Variants in FARS2 observed in about 807,000 individuals in gnomAD.
The protein encoded by FARS2 is phenylalanyl-tRNA synthetase 2, mitochondrial.
In FARS2, 40 loss-of-function variants were observed where a neutral mutation model predicts 46.4. That is an observed-to-expected ratio of 0.86 (90% CI 0.67 to 1.12). FARS2 has a LOEUF of 1.12. Among genes scored for constraint, FARS2 ranks in the 50% most tolerant of loss-of-function variants. The pLI, the probability that FARS2 is intolerant of heterozygous loss-of-function variation, is 0.00. For synonymous variants in FARS2, 234 were observed against 214.9 expected (o/e 1.09, Z -0.78); for missense variants, 513 against 567.9 (o/e 0.90, Z 0.98).
chr6:5,304,338 T>G (rs1768540513), intron 1 of FARS2, among the ~76,000 whole-genome samples: 3 of 152,226 alleles, frequency 2.0e-5, no homozygotes, highest in African/African-American at 4.8e-5. Flanking sequence ...ATTATTTAAC[T>G]CTGTTGTTGA....
chr6:5,296,577 C>T (rs1481971166), intron 1 of FARS2, among the ~76,000 whole-genome samples: 2 of 152,150 alleles, frequency 1.3e-5, no homozygotes, highest in Non-Finnish European at 2.9e-5. Context: ...ACACGAACTC[C>T]CCATCCCCTC....
chr6:5,732,472 G>C (rs1331122996), intron 6 of FARS2, among the ~76,000 whole-genome samples: 1 of 152,162 alleles, frequency 6.6e-6, no homozygotes, highest in Non-Finnish European at 1.5e-5. Flanking sequence ...TCTCCCTTCT[G>C]ACCCGTTCCC....
chr6:5,459,442 C>T (rs927366382), intron 4 of FARS2, among the ~76,000 whole-genome samples: 1 of 151,904 alleles, frequency 6.6e-6, no homozygotes, highest in Non-Finnish European at 1.5e-5. Context: ...ATTATTCTGG[C>T]TCCACTTTTG....
chr6:5,313,512 T>C (rs1769238380), intron 1 of FARS2, among the ~76,000 whole-genome samples: 1 of 152,240 alleles, frequency 6.6e-6, no homozygotes, highest in Non-Finnish European at 1.5e-5. Flanking sequence ...ATAGATCTTT[T>C]CCTGATTGGT....
intron 1 of FARS2, among the ~76,000 whole-genome samples, chr6:5,304,106 T>C (rs1332952143): frequency 6.6e-6 from 1 of 152,214 alleles, no homozygotes; most frequent in Non-Finnish European, 1.5e-5. Context: ...CTTTTAATTA[T>C]AGAGGCATCA....
At chr6:5,566,683 G>A (rs911714453) in intron 5 of FARS2, among the ~76,000 whole-genome samples, 73 of 152,154 alleles carry the variant, frequency 4.8e-4, no homozygotes, top group African/African-American at 1.6e-3. Flanking sequence ...AAACATGAAG[G>A]ACTTTTAAAT....
intron 6 of FARS2, among the ~76,000 whole-genome samples, chr6:5,740,741 A>G (rs1761277904): frequency 6.6e-6 from 1 of 152,156 alleles, no homozygotes; most frequent in Non-Finnish European, 1.5e-5. Context: ...AGGACATTGA[A>G]GGCAGGGAAA....
chr6:5,414,059 A>G (rs931208109), intron 3 of FARS2, among the ~76,000 whole-genome samples: 2 of 152,212 alleles, frequency 1.3e-5, no homozygotes, highest in African/African-American at 2.4e-5. Flanking sequence ...TTGATGATCC[A>G]TCTTTCTCTG....
chr6:5,556,753 G>A (rs1157007057), intron 5 of FARS2, among the ~76,000 whole-genome samples: 1 of 152,040 alleles, frequency 6.6e-6, no homozygotes, highest in Non-Finnish European at 1.5e-5. Context: ...TTCTTGTAGT[G>A]TAGATTGGAA....
At chr6:5,517,832 T>C (rs1434391709) in intron 4 of FARS2, among the ~76,000 whole-genome samples, 2 of 152,164 alleles carry the variant, frequency 1.3e-5, no homozygotes, top group Non-Finnish European at 2.9e-5. Context: ...AGCTAGAACA[T>C]TTAAAAAATT....
chr6:5,562,852 G>A (rs1315117867), intron 5 of FARS2, among the ~76,000 whole-genome samples: 12 of 148,236 alleles, frequency 8.1e-5, no homozygotes, highest in South Asian at 4.3e-4. Flanking sequence ...CGCCCAGGCC[G>A]GAGTGCAATG....
intron 4 of FARS2, among the ~76,000 whole-genome samples, chr6:5,469,261 A>G (rs1271791988): frequency 6.6e-6 from 1 of 152,074 alleles, no homozygotes; most frequent in East Asian, 1.9e-4. Flanking sequence ...TGGTCCACCG[A>G]GGTTCCTGTC....
At chr6:5,685,118 C>T (rs1757090040) in intron 6 of FARS2, among the ~76,000 whole-genome samples, 1 of 152,102 alleles carries the variant, frequency 6.6e-6, no homozygotes, top group South Asian at 2.1e-4. Flanking sequence ...GCCCAAGAAG[C>T]AGCAGAGGCA....
At chr6:5,265,522 T>G (rs1765493024) in intron 1 of FARS2, among the ~76,000 whole-genome samples, 1 of 152,224 alleles carries the variant, frequency 6.6e-6, no homozygotes, top group Non-Finnish European at 1.5e-5. Context: ...CTGATAACCT[T>G]TTGTTTCAAA....
At chr6:5,257,553 G>A (rs1764736210), upstream of FARS2, among the ~76,000 whole-genome samples, 1 of 152,194 alleles carries the variant, frequency 6.6e-6, no homozygotes, top group African/African-American at 2.4e-5. Context: ...GTACTGGTCC[G>A]TGGCCTGTTA....
At chr6:5,544,282 T>G (rs1291120765) in intron 4 of FARS2, among the ~76,000 whole-genome samples, 2 of 152,164 alleles carry the variant, frequency 1.3e-5, no homozygotes, top group African/African-American at 4.8e-5. Flanking sequence ...AGGCTTAAAT[T>G]CCCATTGTGT....
chr6:5,670,660 G>A (rs956427117), intron 6 of FARS2, among the ~76,000 whole-genome samples: 1 of 152,202 alleles, frequency 6.6e-6, no homozygotes, highest in Middle Eastern at 3.2e-3. Context: ...AAATGCTTCT[G>A]AGTAGGATCC....
At chr6:5,660,836 T>C (rs79301391) in intron 6 of FARS2, among the ~76,000 whole-genome samples, 276 of 152,190 alleles carry the variant, frequency 1.8e-3, no homozygotes, top group African/African-American at 6.3e-3. Flanking sequence ...GGACATGGTG[T>C]TGAGGCTGAA....
chr6:5,491,492 C>A (rs772555922), intron 4 of FARS2, among the ~76,000 whole-genome samples: 1 of 152,136 alleles, frequency 6.6e-6, no homozygotes, highest in Non-Finnish European at 1.5e-5. Flanking sequence ...AAGAATCATG[C>A]GCCATTGATG....
Sources: gnomAD v4.1 joint callset for allele counts (sites outside exome capture counted in the v4.1 genomes callset) on GRCh38, gnomAD v4.1.1 for gene constraint, MANE v1.5 for transcripts, NCBI Gene and HGNC (gene_info 2026-07-23, HGNC 2026-07-21) for gene names.